Variants in CCSER1 observed in about 807,000 individuals in gnomAD.
CCSER1 encodes serine-rich coiled-coil domain-containing protein 1.
A neutral mutation model predicts 82.0 loss-of-function variants in CCSER1; 41 were observed. That is an observed-to-expected ratio of 0.50 (90% CI 0.39 to 0.65). CCSER1 has a LOEUF of 0.65. CCSER1 is among the 30% of genes least tolerant of loss of function. CCSER1 has a pLI of 0.00. For synonymous variants in CCSER1, 414 were observed against 383.9 expected, an observed-to-expected ratio of 1.08 and a Z score of -0.92; for missense variants, 1,119 against 1,064.2, an observed-to-expected ratio of 1.05 and a Z score of -0.72.
intron 10 of CCSER1, among the ~76,000 whole-genome samples, chr4:91,367,151 G>GAAAA (rs1398035265): frequency 6.1e-5 from 7 of 114,666 alleles, no homozygotes; most frequent in African/African-American, 2.3e-4. Flanking sequence ...AAAAAAAAAA[G>GAAAA]AGAAAAAAAT....
intron 10 of CCSER1, among the ~76,000 whole-genome samples, chr4:91,177,032 C>T (rs912316135): frequency 7.2e-5 from 11 of 152,006 alleles, no homozygotes; most frequent in East Asian, 1.9e-4. Flanking sequence ...GCATGAAGGG[C>T]TGTTGAATTT....
At chr4:90,474,491 A>G (rs952467294) in intron 5 of CCSER1, among the ~76,000 whole-genome samples, 2 of 152,168 alleles carry the variant, frequency 1.3e-5, no homozygotes, top group African/African-American at 2.4e-5. Context: ...GGTTGGGGTA[A>G]TGGTGAAATG....
chr4:91,478,407 T>C (rs921124617), intron 10 of CCSER1, among the ~76,000 whole-genome samples: 5 of 151,912 alleles, frequency 3.3e-5, no homozygotes. Context: ...TTAAATATTG[T>C]AGAAAATTGT....
chr4:90,748,870 T>A (rs1934094698), intron 7 of CCSER1, among the ~76,000 whole-genome samples: 1 of 149,892 alleles, frequency 6.7e-6, no homozygotes, highest in South Asian at 2.1e-4. Context: ...CTTTGCCCAC[T>A]TTTTTATGGG....
At chr4:90,722,336 T>C (rs1483067584) in intron 6 of CCSER1, among the ~76,000 whole-genome samples, 1 of 151,858 alleles carries the variant, frequency 6.6e-6, no homozygotes, top group Non-Finnish European at 1.5e-5. Context: ...TTGTGAGAAA[T>C]CCAACTTTAA....
At chr4:91,362,061 C>T (rs117495143) in intron 10 of CCSER1, among the ~76,000 whole-genome samples, 27 of 151,562 alleles carry the variant, frequency 1.8e-4, no homozygotes, top group African/African-American at 4.8e-4. Context: ...AGGCCCTGCA[C>T]GGAAGGGACA....
intron 10 of CCSER1, among the ~76,000 whole-genome samples, chr4:91,185,147 AG>A (rs1734405358): frequency 6.6e-6 from 1 of 152,206 alleles, no homozygotes; most frequent in South Asian, 2.1e-4. Flanking sequence ...TTGCACAGGT[AG>A]GGTGTTTATC....
chr4:90,470,191 G>A (rs916630896), intron 5 of CCSER1, among the ~76,000 whole-genome samples: 2 of 151,838 alleles, frequency 1.3e-5, no homozygotes, highest in Non-Finnish European at 2.9e-5. Flanking sequence ...TATTCAATCA[G>A]TTATCAATTA....
chr4:91,350,343 G>C (rs750201970), intron 10 of CCSER1, among the ~76,000 whole-genome samples: 58 of 151,922 alleles, frequency 3.8e-4, no homozygotes, highest in Non-Finnish European at 7.1e-4. Context: ...TTATAAATTG[G>C]TTATTATACT....
chr4:90,836,092 T>A (rs1482582907), intron 8 of CCSER1, among the ~76,000 whole-genome samples: 1 of 152,146 alleles, frequency 6.6e-6, no homozygotes, highest in Non-Finnish European at 1.5e-5. Context: ...AGCATGAGAT[T>A]TTTGATATAT....
intron 10 of CCSER1, among the ~76,000 whole-genome samples, chr4:91,117,547 G>C (rs1232613304): frequency 1.3e-5 from 2 of 152,294 alleles, no homozygotes; most frequent in East Asian, 3.9e-4. Flanking sequence ...ATTCAATGAA[G>C]TTCATAAGAA....
intron 10 of CCSER1, among the ~76,000 whole-genome samples, chr4:91,347,057 T>G (rs1168189935): frequency 2.0e-5 from 3 of 152,134 alleles, no homozygotes; most frequent in Non-Finnish European, 4.4e-5. Flanking sequence ...ATCTAAAAAT[T>G]CATCACCAAA....
At position 90,228,387 on chromosome 4, in the gene CCSER1, C is replaced by T. The variant is rs894187460; in HGVS notation, c.-41-79857C>T. Among the ~76,000 whole-genome samples, 13 of 152,244 alleles carry T rather than the reference C, an allele frequency of 8.5e-5. No individual in the cohort carries two copies. In the South Asian group the frequency reaches 2.7e-3, roughly 32 times the overall value. ...GACTGACACCTCACAGGGCTGGGTA[C>T]TCCAACAGACCTGCAGCTGAGGGTC... On this transcript the variant is annotated intron_variant, in intron 1 of 10. Coordinates refer to ENST00000509176, the MANE Select transcript of CCSER1 (RefSeq NM_001145065.2).
At chr4:90,794,488 T>C (rs1205927165) in intron 7 of CCSER1, among the ~76,000 whole-genome samples, 5 of 152,348 alleles carry the variant, frequency 3.3e-5, no homozygotes, top group East Asian at 1.9e-4. Context: ...TGTGGCCTTA[T>C]TACTGGGTTC....
chr4:91,329,287 C>A (rs1746782791), intron 10 of CCSER1, among the ~76,000 whole-genome samples: 3 of 152,162 alleles, frequency 2.0e-5, no homozygotes, highest in Admixed American at 2.0e-4. Flanking sequence ...TAAAAATCAT[C>A]TTTTCTACAA....
At chr4:91,129,285 AC>A (rs1727796122) in intron 10 of CCSER1, among the ~76,000 whole-genome samples, 1 of 152,022 alleles carries the variant, frequency 6.6e-6, no homozygotes, top group Non-Finnish European at 1.5e-5. Flanking sequence ...TGTTTCAATG[AC>A]CGAAATCCTT....
rs181298535 is a variant in CCSER1 at position 91,113,235 on chromosome 4, C to G, written c.2217+27241C>G. On this transcript the variant is annotated intron_variant, in intron 10 of 10. Transcript: ENST00000509176. ...AGTGTTTATTAAACATTTGTTGATA[C>G]AACAAACGCATGACATTGTGTTGGG... 1.9e-3 allele frequency among the ~76,000 whole-genome samples: 294 copies of G among 152,242 alleles called. 1 individual carries two copies. Among genetic ancestry groups the G allele is most frequent in the African/African-American group, 6.7e-3 (277 of 41,532 alleles).
At chr4:90,761,084 A>C (rs1750343227) in intron 7 of CCSER1, among the ~76,000 whole-genome samples, 1 of 152,126 alleles carries the variant, frequency 6.6e-6, no homozygotes. Flanking sequence ...CTCTAAAATT[A>C]AATTAAAATG....
chr4:90,496,388 G>C (rs1769004587), intron 5 of CCSER1, among the ~76,000 whole-genome samples: 1 of 152,104 alleles, frequency 6.6e-6, no homozygotes, highest in Non-Finnish European at 1.5e-5. Context: ...AATACATTCA[G>C]TATGGAGATT....
Sources: gnomAD v4.1 joint callset for allele counts (sites outside exome capture counted in the v4.1 genomes callset) on GRCh38, gnomAD v4.1.1 for gene constraint, MANE v1.5 for transcripts, NCBI Gene and HGNC (gene_info 2026-07-23, HGNC 2026-07-21) for gene names.